The following L3MBTL4 variants were observed in gnomAD, a reference collection of about 807,000 sequenced individuals.
L3MBTL4 encodes the protein lethal(3)malignant brain tumor-like protein 4.
A neutral mutation model predicts 84.5 loss-of-function variants in L3MBTL4; 70 were observed. The observed-to-expected ratio is 0.83, with a 90% confidence interval of 0.68 to 1.01. The LOEUF (loss-of-function observed/expected upper bound fraction) is 1.01. L3MBTL4 is among the 50% of genes least tolerant of loss of function. The pLI is 0.00. For synonymous variants in L3MBTL4, 274 were observed against 259.8 expected (o/e 1.05, Z -0.52); for missense variants, 715 against 754.8 (o/e 0.95, Z 0.62).
intron 14 of L3MBTL4, among the ~76,000 whole-genome samples, chr18:6,109,375 C>T (rs1236344809): frequency 6.6e-6 from 1 of 152,008 alleles, no homozygotes; most frequent in Admixed American, 6.6e-5. Context: ...TTGTCATAAC[C>T]ATTGTTATGA....
At chr18:6,095,346 G>GTTTTTTT (rs71370544) in intron 14 of L3MBTL4, among the ~76,000 whole-genome samples, 1,564 of 122,808 alleles carry the variant, frequency 0.013, 64 homozygotes, top group African/African-American at 0.031. Context: ...GGGGAACATG[G>GTTTTTTT]TTTTTTTTTT....
chr18:5,957,959 CAAA>C (rs35012817), intron 18 of L3MBTL4, among the ~76,000 whole-genome samples: 28 of 122,888 alleles, frequency 2.3e-4, no homozygotes, highest in East Asian at 4.6e-4. Context: ...GACTCCACCT[CAAA>C]AAAAAAAAAA....
chr18:6,244,677 A>G (rs1599314232), intron 5 of L3MBTL4, 89 bp from the exon 6 acceptor site: 1 of 871,110 alleles, frequency 1.1e-6, no homozygotes, highest in East Asian at 2.5e-5. Flanking sequence ...GGTGAAGTCT[A>G]AAACAATTGA....
At position 6,171,822 on chromosome 18, in the gene L3MBTL4, A is replaced by G. The variant is rs766194996; in HGVS notation, c.1096+6T>C. The G allele has an allele frequency of 1.9e-5, 29 of 1,495,792 alleles. No homozygotes were observed. The East Asian group carries it at 3.5e-4, about 18-fold the overall frequency. 92.7% of individuals were successfully genotyped at this position (1,495,792 alleles called of 1,614,324 possible). On this transcript the variant is annotated splice_donor_region_variant and intron_variant, in intron 13 of 18. Coordinates refer to ENST00000317931, the MANE Select transcript of L3MBTL4 (RefSeq NM_001330559.2). ...AAAAAGCAACAACAAAGAGCAAAGT[A>G]CTCACGCTGTGGCACTTCCAGTGGA...
chr18:6,178,153 C>T (rs926285723), intron 12 of L3MBTL4, among the ~76,000 whole-genome samples: 1 of 151,914 alleles, frequency 6.6e-6, no homozygotes, highest in African/African-American at 2.4e-5. Flanking sequence ...TTTTTACATA[C>T]CCTATTCAAC....
rs369249956 is a variant in L3MBTL4, at chr18:6,015,604, G to A, written c.1445-46042C>T. ...TTGTTGAGCCAGTACTCTTTGCACC[G>A]AGCACTGGGAATTGTAAAAGAAATA... On this transcript the variant is annotated intron_variant, in intron 16 of 18. Coordinates refer to ENST00000317931, the MANE Select transcript of L3MBTL4 (RefSeq NM_001330559.2). 1.8e-4 allele frequency among the ~76,000 whole-genome samples: 28 copies of A among 152,214 alleles called. No individual in the cohort carries two copies. In the East Asian group the frequency reaches 1.9e-3, roughly 11 times the overall value.
chr18:6,114,288 G>A (rs1004297125), intron 14 of L3MBTL4, among the ~76,000 whole-genome samples: 6 of 152,142 alleles, frequency 3.9e-5, no homozygotes, highest in Admixed American at 1.3e-4. Flanking sequence ...ATTTAATGCA[G>A]TTGGCTGACT....
intron 1 of L3MBTL4, among the ~76,000 whole-genome samples, chr18:6,370,769 A>G (rs2144178914): frequency 6.6e-6 from 1 of 152,320 alleles, no homozygotes; most frequent in South Asian, 2.1e-4. Context: ...GTTGACAGGG[A>G]CAGGGCTGAA....
chr18:6,001,075 T>C (rs1013366705), intron 16 of L3MBTL4, among the ~76,000 whole-genome samples: 2 of 152,248 alleles, frequency 1.3e-5, no homozygotes, highest in South Asian at 2.1e-4. Flanking sequence ...CAGGCAGCTG[T>C]GCCAACAATC....
chr18:6,238,997 T>C (rs918688815), intron 9 of L3MBTL4, among the ~76,000 whole-genome samples: 3 of 152,132 alleles, frequency 2.0e-5, no homozygotes, highest in African/African-American at 7.2e-5. Flanking sequence ...CTGCTCCCCA[T>C]AGGCTTTCGA....
intron 1 of L3MBTL4, among the ~76,000 whole-genome samples, chr18:6,366,799 C>T (rs1001096850): frequency 6.6e-6 from 1 of 152,242 alleles, no homozygotes. Flanking sequence ...CAGACTTTCT[C>T]TCATCATTTG....
chr18:6,237,016 G>A (rs576948810), intron 10 of L3MBTL4, among the ~76,000 whole-genome samples: 1 of 152,042 alleles, frequency 6.6e-6, no homozygotes, highest in Non-Finnish European at 1.5e-5. Context: ...CTGTCTGCTT[G>A]AACACTTGTG....
At chr18:6,350,379 A>C (rs2053124107) in intron 1 of L3MBTL4, among the ~76,000 whole-genome samples, 2 of 152,212 alleles carry the variant, frequency 1.3e-5, no homozygotes, top group South Asian at 4.1e-4. Flanking sequence ...CAGAATATAT[A>C]AAGAACTCAT....
intron 1 of L3MBTL4, among the ~76,000 whole-genome samples, chr18:6,362,499 T>C (rs577268701): frequency 3.3e-5 from 5 of 152,152 alleles, no homozygotes; most frequent in Non-Finnish European, 7.3e-5. Flanking sequence ...CTGGGTCTAG[T>C]GGAGGATGGC....
chr18:6,169,902 T>C (rs2043881161), intron 13 of L3MBTL4, among the ~76,000 whole-genome samples: 2 of 152,042 alleles, frequency 1.3e-5, no homozygotes, highest in African/African-American at 4.8e-5. Flanking sequence ...TTTAGCTCAA[T>C]TTCAAATCTG....
At chr18:6,239,340 C>CA (rs751491795) in intron 9 of L3MBTL4, among the ~76,000 whole-genome samples, 2,892 of 49,314 alleles carry the variant, frequency 0.059, 149 homozygotes, top group African/African-American at 0.11. Context: ...GACTCCGTCT[C>CA]AAAAAAAAAA....
chr18:6,368,160 C>T (rs912843246), intron 1 of L3MBTL4, among the ~76,000 whole-genome samples: 6 of 152,060 alleles, frequency 3.9e-5, no homozygotes, highest in African/African-American at 1.4e-4. Flanking sequence ...ATCTTCCCTT[C>T]ACCCTCTACA....
intron 1 of L3MBTL4, among the ~76,000 whole-genome samples, chr18:6,378,556 C>T (rs562222841): frequency 1.6e-4 from 24 of 152,314 alleles, no homozygotes; most frequent in Non-Finnish European, 1.8e-4. Context: ...GTTTTCCCAA[C>T]ACCATTTATT....
chr18:6,311,488 T>C, intron 3 of L3MBTL4, 66 bp downstream of exon 3: 2 of 1,336,388 alleles, frequency 1.5e-6, no homozygotes, highest in Non-Finnish European at 1.1e-6. Flanking sequence ...TGAACTCTAC[T>C]ATTCCATGGT....
Sources: allele counts gnomAD v4.1 joint callset (sites outside exome capture counted in the v4.1 genomes callset), GRCh38; gene constraint gnomAD v4.1.1; transcripts MANE v1.5; gene names NCBI Gene and HGNC (gene_info 2026-07-23, HGNC 2026-07-21).